TMEM132B: variants seen among roughly 807,000 people sequenced by gnomAD.
TMEM132B encodes transmembrane protein 132B.
TMEM132B carries 18 observed loss-of-function variants against 90.8 expected under a neutral mutation model. That is an observed-to-expected ratio of 0.20 (90% CI 0.14 to 0.29). The LOEUF is 0.29. Ranked by LOEUF, TMEM132B falls within the 10% of genes least tolerant of loss-of-function variation. TMEM132B has a pLI of 1.00. For synonymous variants in TMEM132B, 504 were observed against 523.3 expected, an observed-to-expected ratio of 0.96 and a Z score of 0.50; for missense variants, 1,096 against 1,326.8, an observed-to-expected ratio of 0.83 and a Z score of 2.70.
intron 4 of TMEM132B, among the ~76,000 whole-genome samples, chr12:125,559,945 C>A (rs1242594951): frequency 1.3e-5 from 2 of 152,190 alleles, no homozygotes; most frequent in African/African-American, 4.8e-5. Flanking sequence ...AAGGAAGCCA[C>A]TGGAAAAGAC....
At chr12:125,549,565 C>T (rs779485965) in intron 4 of TMEM132B, among the ~76,000 whole-genome samples, 48 of 152,166 alleles carry the variant, frequency 3.2e-4, no homozygotes, top group African/African-American at 4.8e-4. Context: ...TACTCATCAC[C>T]GCTCTCTTGA....
chr12:125,653,472 A>G lies in TMEM132B; in HGVS notation c.2107-93A>G, dbSNP rs188781990. On this transcript the variant is annotated intron_variant, in intron 8 of 8. Coordinates refer to ENST00000682704, the MANE Select transcript of TMEM132B (RefSeq NM_001366854.1). ...ATAAAACTATAGAAATCTTCTCCTT[A>G]TATTTAAACAATTTATATAGGAAAT... is the stretch of plus-strand genomic sequence containing the variant. 1.4e-4 allele frequency: 190 copies of G among 1,356,982 alleles called. 1 individual carries two copies. The African/African-American group carries it at 2.6e-3, about 19-fold the overall frequency. The allele number at this position is 1,356,982 out of a possible 1,614,324, so 84.1% of individuals were successfully genotyped here. A position where few individuals can be genotyped will look rare whatever the true frequency, so the allele number is the denominator to read the frequency against.
intron 1 of TMEM132B, among the ~76,000 whole-genome samples, chr12:125,332,865 C>CA (rs1876829373): frequency 1.3e-5 from 2 of 151,806 alleles, no homozygotes; most frequent in African/African-American, 2.4e-5. Flanking sequence ...AACAAAAAAC[C>CA]AAAAACAAGA....
rs557795174 is a variant in TMEM132B at position 125,203,197 on chromosome 12, C to T, written c.67+16331C>T. On this transcript the variant is annotated intron_variant, in intron 1 of 8. Transcript: ENST00000682704. ...CTGTGAGACACAGAGTGGAAGCCAT[C>T]TGCCAGTAATTACTGGTACAAGAGG... Among the ~76,000 whole-genome samples the T allele has an allele frequency of 2.0e-5, 3 of 152,326 alleles. No individual in the cohort carries two copies. In the South Asian group the frequency reaches 6.2e-4, roughly 32 times the overall value.
chr12:125,496,113 GC>G (rs977774901), intron 3 of TMEM132B, among the ~76,000 whole-genome samples: 1 of 152,166 alleles, frequency 6.6e-6, no homozygotes, highest in African/African-American at 2.4e-5. Context: ...ACAGTGGGAT[GC>G]CAGCCACTTA....
At chr12:125,442,635 C>T (rs1041280468) in intron 3 of TMEM132B, among the ~76,000 whole-genome samples, 1 of 152,126 alleles carries the variant, frequency 6.6e-6, no homozygotes, top group Admixed American at 6.5e-5. Flanking sequence ...AAATTACATC[C>T]TCAAAAAGAT....
intron 5 of TMEM132B, among the ~76,000 whole-genome samples, chr12:125,591,963 A>G (rs751354469): frequency 6.6e-6 from 1 of 152,072 alleles, no homozygotes; most frequent in Non-Finnish European, 1.5e-5. Context: ...CGACTTGGCC[A>G]TATCTTTTTT....
chr12:125,516,912 G>A (rs922445015), intron 3 of TMEM132B, among the ~76,000 whole-genome samples: 6 of 152,338 alleles, frequency 3.9e-5, no homozygotes, highest in African/African-American at 1.4e-4. Context: ...AGATGGATTC[G>A]TGGAGAATTT....
At chr12:125,558,710 G>C (rs955110015) in intron 4 of TMEM132B, among the ~76,000 whole-genome samples, 1 of 152,182 alleles carries the variant, frequency 6.6e-6, no homozygotes, top group Non-Finnish European at 1.5e-5. Context: ...AATGTTGTTA[G>C]TTCCAAGGCA....
intron 1 of TMEM132B, among the ~76,000 whole-genome samples, chr12:125,307,990 T>C (rs1306537477): frequency 7.5e-6 from 1 of 132,992 alleles, no homozygotes; most frequent in Non-Finnish European, 1.6e-5. Flanking sequence ...TTAAGTAATA[T>C]AAATATATAT....
At chr12:125,598,189 A>G (rs1885489316) in intron 5 of TMEM132B, among the ~76,000 whole-genome samples, 1 of 152,210 alleles carries the variant, frequency 6.6e-6, no homozygotes, top group South Asian at 2.1e-4. Context: ...GCCTTGACAC[A>G]GCAATTACAC....
At chr12:125,546,204 A>G (rs903707450) in intron 4 of TMEM132B, among the ~76,000 whole-genome samples, 11 of 151,216 alleles carry the variant, frequency 7.3e-5, no homozygotes, top group Middle Eastern at 6.8e-3. Flanking sequence ...TTTTTTTGAG[A>G]CAGAGTCTTG....
intron 2 of TMEM132B, among the ~76,000 whole-genome samples, chr12:125,375,436 A>G (rs1192050118): frequency 6.6e-6 from 1 of 152,240 alleles, no homozygotes; most frequent in Non-Finnish European, 1.5e-5. Flanking sequence ...TTGTCGCTAA[A>G]GGACAAATGT....
Position 125,354,622 on chromosome 12 carries a change from G to A in TMEM132B, c.959+4279G>A, listed in dbSNP as rs544807445. Among the ~76,000 whole-genome samples the A allele has an allele frequency of 2.0e-4, 31 of 152,348 alleles. No homozygotes were observed. In the East Asian group the frequency reaches 5.0e-3, roughly 25 times the overall value. On this transcript the variant is annotated intron_variant, in intron 2 of 8. Transcript: ENST00000682704. ...GTTTAGATTTTCATCTATAAAGGCA[G>A]GCATTGCCAATTCATTATGCGTGTT...
intron 2 of TMEM132B, among the ~76,000 whole-genome samples, chr12:125,369,014 C>T (rs960383816): frequency 6.0e-5 from 9 of 148,946 alleles, no homozygotes; most frequent in African/African-American, 2.2e-4. Flanking sequence ...AATGCTATCC[C>T]TCCCCCCTCC....
intron 2 of TMEM132B, among the ~76,000 whole-genome samples, chr12:125,410,253 GT>G (rs201839421): frequency 0.23 from 7 of 30 alleles, 2 homozygotes; most frequent in Non-Finnish European, 0.4. Context: ...GTGGAGTGGA[GT>G]GAGTGGAGTG....
chr12:125,609,462 G>A (rs1350772585), intron 5 of TMEM132B, among the ~76,000 whole-genome samples: 2 of 152,066 alleles, frequency 1.3e-5, no homozygotes, highest in Admixed American at 1.3e-4. Flanking sequence ...AATTTTGATA[G>A]AAATTGCATT....
chr12:125,478,122 C>T (rs1022916429), intron 3 of TMEM132B, among the ~76,000 whole-genome samples: 5 of 152,172 alleles, frequency 3.3e-5, no homozygotes, highest in Admixed American at 2.6e-4. Flanking sequence ...TCACCATCAT[C>T]AAAGACCAAA....
At chr12:125,651,351 T>C (rs954178296) in intron 7 of TMEM132B, among the ~76,000 whole-genome samples, 2 of 152,246 alleles carry the variant, frequency 1.3e-5, no homozygotes, top group Non-Finnish European at 2.9e-5. Flanking sequence ...AACCTTTTAG[T>C]TGTATCATAC....
Sources: allele counts gnomAD v4.1 joint callset (sites outside exome capture counted in the v4.1 genomes callset), GRCh38; gene constraint gnomAD v4.1.1; transcripts MANE v1.5; gene names NCBI Gene and HGNC (gene_info 2026-07-23, HGNC 2026-07-21).